Variants in MACROD2 observed in about 807,000 individuals in gnomAD.
The protein encoded by MACROD2 is mono-ADP ribosylhydrolase 2.
Under a neutral mutation model 70.4 loss-of-function variants are expected in MACROD2, and 36 were observed. That is an observed-to-expected ratio of 0.51 (90% confidence interval 0.39 to 0.68). The LOEUF (loss-of-function observed/expected upper bound fraction) is 0.68. MACROD2 is among the 30% of genes least tolerant of loss of function. MACROD2 has a pLI of 0.00. For missense variants in MACROD2, 496 were observed against 538.4 expected, an observed-to-expected ratio of 0.92 and a Z score of 0.78; for synonymous variants, 172 against 178.8, an observed-to-expected ratio of 0.96 and a Z score of 0.30.
At chr20:14,029,123 G>A (rs1214171381) in intron 2 of MACROD2, among the ~76,000 whole-genome samples, 1 of 152,132 alleles carries the variant, frequency 6.6e-6, no homozygotes, top group Non-Finnish European at 1.5e-5. Flanking sequence ...TTCGTTAAAT[G>A]GATTGTTGCC....
At chr20:15,286,369 A>ACT (rs1218094790) in intron 6 of MACROD2, among the ~76,000 whole-genome samples, 7 of 152,162 alleles carry the variant, frequency 4.6e-5, no homozygotes, top group African/African-American at 1.7e-4. Context: ...CTTGGGAACT[A>ACT]ACAACATGAT....
chr20:14,570,333 T>G (rs992999968), intron 4 of MACROD2, among the ~76,000 whole-genome samples: 4 of 152,000 alleles, frequency 2.6e-5, no homozygotes, highest in Admixed American at 6.6e-5. Flanking sequence ...AGGATGGTGG[T>G]TAGCATTATT....
chr20:15,506,981 G>T (rs946712765), intron 8 of MACROD2, among the ~76,000 whole-genome samples: 4 of 152,050 alleles, frequency 2.6e-5, no homozygotes, highest in Non-Finnish European at 5.9e-5. Flanking sequence ...GCTTTGAAAT[G>T]GTCACATCCT....
chr20:14,988,867 C>A (rs753867850), intron 5 of MACROD2, among the ~76,000 whole-genome samples: 6 of 151,892 alleles, frequency 4.0e-5, no homozygotes, highest in East Asian at 1.9e-4. Context: ...CATCAATGTC[C>A]GGAATTTCTG....
intron 3 of MACROD2, among the ~76,000 whole-genome samples, chr20:14,460,867 T>C (rs923907854): frequency 5.9e-5 from 9 of 152,128 alleles, no homozygotes; most frequent in African/African-American, 1.9e-4. Flanking sequence ...TCAGGGATAT[T>C]GGCCTGAAAT....
At chr20:14,305,248 T>G (rs2082509979) in intron 3 of MACROD2, among the ~76,000 whole-genome samples, 1 of 152,150 alleles carries the variant, frequency 6.6e-6, no homozygotes, top group Non-Finnish European at 1.5e-5. Flanking sequence ...CACTTTCTAT[T>G]CCCTTCTCCT....
In MACROD2 at chr20:14,226,383, C is replaced by T. The variant is rs567467225; in HGVS notation, c.271+140655C>T. ...CAGCCTTCGCTCGCTCTCGGCGCCT[C>T]CTCTGCCTGGGCTCCCACTTTGGCG... On this transcript the variant is annotated intron_variant, in intron 3 of 17. Transcript: ENST00000684519. 1.4e-4 allele frequency among the ~76,000 whole-genome samples: 22 copies of T among 152,366 alleles called. No homozygotes were observed. In the East Asian group the frequency reaches 2.5e-3, roughly 17 times the overall value.
intron 7 of MACROD2, among the ~76,000 whole-genome samples, chr20:15,482,035 C>T (rs190224900): frequency 6.6e-6 from 1 of 152,088 alleles, no homozygotes; most frequent in Non-Finnish European, 1.5e-5. Flanking sequence ...AATTGTCATA[C>T]CCACACATGC....
intron 10 of MACROD2, among the ~76,000 whole-genome samples, chr20:15,895,188 C>T (rs1236458065): frequency 6.6e-6 from 1 of 152,194 alleles, no homozygotes; most frequent in Non-Finnish European, 1.5e-5. Context: ...GTGAAAACTT[C>T]ATTTACTTCC....
At chr20:14,595,744 C>T (rs537442437) in intron 4 of MACROD2, among the ~76,000 whole-genome samples, 87 of 152,254 alleles carry the variant, frequency 5.7e-4, no homozygotes, top group African/African-American at 1.9e-3. Flanking sequence ...CGAATTGCCT[C>T]CCATGTTTTG....
chr20:14,303,554 C>T (rs568936634), intron 3 of MACROD2, among the ~76,000 whole-genome samples: 2 of 152,302 alleles, frequency 1.3e-5, no homozygotes, highest in South Asian at 2.1e-4. Context: ...GCAGGAAGTA[C>T]ATCTTGCAAG....
intron 3 of MACROD2, among the ~76,000 whole-genome samples, chr20:14,320,308 C>T (rs1035544562): frequency 2.6e-5 from 4 of 152,028 alleles, no homozygotes; most frequent in African/African-American, 4.8e-5. Flanking sequence ...TGACCCCATT[C>T]CACTGGCAGT....
intron 8 of MACROD2, among the ~76,000 whole-genome samples, chr20:15,776,339 A>G (rs1448958449): frequency 6.6e-6 from 1 of 152,088 alleles, no homozygotes; most frequent in Non-Finnish European, 1.5e-5. Flanking sequence ...ATCAAGCAGG[A>G]CCCTGTCCTC....
chr20:14,145,974 CT>C (rs1417225133), intron 3 of MACROD2, among the ~76,000 whole-genome samples: 1 of 152,152 alleles, frequency 6.6e-6, no homozygotes, highest in Admixed American at 6.5e-5. Context: ...AACCAGTATT[CT>C]ATTGAACGGT....
intron 5 of MACROD2, among the ~76,000 whole-genome samples, chr20:15,138,900 T>C (rs1036177103): frequency 6.6e-6 from 1 of 152,196 alleles, no homozygotes; most frequent in Non-Finnish European, 1.5e-5. Context: ...CGCATTTACT[T>C]AAGTGTTAAT....
intron 5 of MACROD2, among the ~76,000 whole-genome samples, chr20:15,016,595 G>T (rs1010280884): frequency 6.6e-6 from 1 of 152,016 alleles, no homozygotes; most frequent in African/African-American, 2.4e-5. Context: ...AGCCTGGCAC[G>T]TCCCCCCTCT....
intron 6 of MACROD2, among the ~76,000 whole-genome samples, chr20:15,277,033 A>G (rs2077399568): frequency 6.6e-6 from 1 of 152,218 alleles, no homozygotes; most frequent in African/African-American, 2.4e-5. Context: ...TTCAACGTTA[A>G]GCAAAATTTG....
At chr20:15,883,801 A>G (rs2064788033) in intron 9 of MACROD2, among the ~76,000 whole-genome samples, 1 of 152,172 alleles carries the variant, frequency 6.6e-6, no homozygotes. Context: ...TATTGATTCT[A>G]GTATATAAAA....
chr20:15,840,989 T>G (rs1736046562), intron 8 of MACROD2, among the ~76,000 whole-genome samples: 1 of 152,200 alleles, frequency 6.6e-6, no homozygotes, highest in South Asian at 2.1e-4. Context: ...AAAAAATGGT[T>G]TTACCACATA....
Sources: allele counts gnomAD v4.1 joint callset (sites outside exome capture counted in the v4.1 genomes callset), GRCh38; gene constraint gnomAD v4.1.1; transcripts MANE v1.5; gene names NCBI Gene and HGNC (gene_info 2026-07-23, HGNC 2026-07-21).